SMAP2: variants seen among roughly 807,000 people sequenced by gnomAD.
SMAP2 encodes small ArfGAP2.
In SMAP2, 25 loss-of-function variants were observed where a neutral mutation model predicts 56.4. The observed-to-expected ratio is 0.44, with a 90% CI of 0.32 to 0.62. The LOEUF (loss-of-function observed/expected upper bound fraction) is 0.62. Ranked by LOEUF, SMAP2 falls within the 20% of genes least tolerant of loss-of-function variation. The pLI is 0.04. For missense variants in SMAP2, 388 were observed against 545.6 expected (o/e 0.71, Z 2.88); for synonymous variants, 157 against 181.7 (o/e 0.86, Z 1.09).
rs1309926578 is a variant in SMAP2, at chr1:40,374,021, C to T, written c.-100C>T. On this transcript the variant is annotated 5_prime_UTR_variant, in exon 1 of 10. Transcript: ENST00000372718. The surrounding 1 kb of genome is among the most constrained non-coding windows in gnomAD (Gnocchi z 5.9). ...AGGGCTCTCCCCGCTCAGGAGGTGC[C>T]CCTGGGCGGGGGACCGGGAGTCCTC... 6.8e-6 allele frequency: 6 copies of T among 884,514 alleles called. No individual in the cohort carries two copies. Among genetic ancestry groups the T allele is most frequent in the Admixed American group, 4.4e-5 (2 of 45,274 alleles). The allele number at this position is 884,514 out of a possible 1,614,324, so 54.8% of individuals were successfully genotyped here. A position where few individuals can be genotyped will look rare whatever the true frequency, so the allele number is the denominator to read the frequency against.
intron 1 of SMAP2, among the ~76,000 whole-genome samples, chr1:40,353,235 A>G (rs1644417742): frequency 6.6e-6 from 1 of 152,226 alleles, no homozygotes; most frequent in Non-Finnish European, 1.5e-5. Context: ...GATTGGGGAC[A>G]TTCCTTTTCT....
Position 40,405,582 on chromosome 1 carries a change from C to T in SMAP2, c.104-1154C>T, listed in dbSNP as rs536517411. ...GTCTTGTGCTCGTTGTCGTTCCAAG[C>T]GTAGGCCCTGTTTATCTCTGTAGAA... On this transcript the variant is annotated intron_variant, in intron 1 of 9. Transcript: ENST00000372718. 1.8e-3 allele frequency among the ~76,000 whole-genome samples: 271 copies of T among 152,296 alleles called. 2 individuals are homozygous for T. Among genetic ancestry groups the T allele is most frequent in the South Asian group, 0.014 (69 of 4,828 alleles).
At chr1:40,414,742 T>C (rs750742194) in intron 6 of SMAP2, among the ~76,000 whole-genome samples, 1 of 152,214 alleles carries the variant, frequency 6.6e-6, no homozygotes, top group Non-Finnish European at 1.5e-5. Flanking sequence ...TTCCTTTCAT[T>C]TTTCAGATGC....
At chr1:40,404,305 G>A (rs1644864598) in intron 1 of SMAP2, among the ~76,000 whole-genome samples, 2 of 152,128 alleles carry the variant, frequency 1.3e-5, no homozygotes, top group Admixed American at 1.3e-4. Context: ...CTGGGAAAAG[G>A]TTTCACAAGG....
In SMAP2 at chr1:40,357,865, C is replaced by T. The variant is rs868258352; in HGVS notation, c.-82-4435C>T. Among the ~76,000 whole-genome samples, 19 of 152,150 alleles carry T rather than the reference C, an allele frequency of 1.2e-4. No individual in the cohort carries two copies. In the South Asian group the frequency reaches 3.9e-3, roughly 32 times the overall value. ...AATTTAAAGTCAGGTAATGTGATTA[C>T]TCCAGCTTTGTTCTTTTTGCTCAGG... On this transcript the variant is annotated intron_variant, in intron 1 of 6. Coordinates refer to the SMAP2 transcript ENST00000435168.
At chr1:40,419,061 T>A (rs1010691603) in intron 9 of SMAP2, among the ~76,000 whole-genome samples, 2 of 151,936 alleles carry the variant, frequency 1.3e-5, no homozygotes, top group African/African-American at 2.4e-5. Context: ...GACAAACAAA[T>A]ACAACTGAAA....
intron 1 of SMAP2, among the ~76,000 whole-genome samples, chr1:40,348,841 G>A (rs561348514): frequency 1.3e-5 from 2 of 151,228 alleles, no homozygotes; most frequent in Non-Finnish European, 1.5e-5. Context: ...TGCAATCTCT[G>A]CTCACTGCAA....
In SMAP2 at chr1:40,415,253, C is replaced by T. The variant is rs1471311092; in HGVS notation, c.572-19C>T. 1.9e-6 allele frequency: 3 copies of T among 1,585,562 alleles called. No individual in the cohort carries two copies. The highest frequency in any genetic ancestry group is 2.6e-6 in the Non-Finnish European group (3 of 1,154,068). On this transcript the variant is annotated intron_variant, in intron 6 of 9. Transcript: ENST00000372718. ...CTTAATAAGCAGTGCTGCATCTTAA[C>T]TTCGATCTCTCTTTCTAGATGCTCC... is the stretch of plus-strand genomic sequence containing the variant.
chr1:40,409,864 C>T, intron 4 of SMAP2, 29 bp downstream of exon 4: 1 of 1,401,886 alleles, frequency 7.1e-7, no homozygotes, highest in Non-Finnish European at 1.0e-6. Flanking sequence ...AAGTTTTGTC[C>T]ACAATAAGTA....
intron 1 of SMAP2, among the ~76,000 whole-genome samples, chr1:40,378,869 G>T (rs1480421914): frequency 6.6e-6 from 1 of 152,046 alleles, no homozygotes; most frequent in Non-Finnish European, 1.5e-5. Flanking sequence ...AATCCAAAAG[G>T]TCCAAAGGGG....
Position 40,413,008 on chromosome 1 carries a change from C to A in SMAP2, c.403-8C>A. The A allele has an allele frequency of 1.2e-6, 2 of 1,601,090 alleles. No individual in the cohort carries two copies. Among genetic ancestry groups the A allele is most frequent in the South Asian group, 2.2e-5 (2 of 89,750 alleles). On this transcript the variant is annotated splice_polypyrimidine_tract_variant and splice_region_variant and intron_variant, in intron 4 of 9. Coordinates refer to ENST00000372718, the MANE Select transcript of SMAP2 (RefSeq NM_022733.3). ...CCCTGTGTTCTTTGTCTTGTTAAAT[C>A]ATTATAGAAAGAAAAAGATGACAAG...
At chr1:40,415,533 C>T (rs1429109022) in intron 7 of SMAP2, 152 bp downstream of exon 7, 1 of 670,548 alleles carries the variant, frequency 1.5e-6, no homozygotes, top group East Asian at 2.5e-5. Flanking sequence ...TCATTTCTGT[C>T]ACAGTCTAAG....
intron 1 of SMAP2, among the ~76,000 whole-genome samples, chr1:40,392,577 A>G (rs762933827): frequency 6.6e-6 from 1 of 152,110 alleles, no homozygotes; most frequent in Non-Finnish European, 1.5e-5. Context: ...TGTCTCATCC[A>G]CCACTCTTCC....
intron 1 of SMAP2, among the ~76,000 whole-genome samples, chr1:40,354,308 T>A (rs1249415062): frequency 1.3e-5 from 2 of 152,128 alleles, no homozygotes; most frequent in Admixed American, 6.6e-5. Context: ...TGGGTGTTGA[T>A]AATAGTAAGA....
intron 1 of SMAP2, among the ~76,000 whole-genome samples, chr1:40,402,494 G>A (rs1360317272): frequency 6.6e-6 from 1 of 151,768 alleles, no homozygotes. Context: ...CTGTCATCTA[G>A]GCTGGAGTGC....
chr1:40,416,496 T>G, intron 8 of SMAP2, 155 bp downstream of exon 8: 1 of 836,466 alleles, frequency 1.2e-6, no homozygotes, highest in Non-Finnish European at 1.8e-6. Context: ...CAGATGGAAA[T>G]TAATGTAACT....
intron 1 of SMAP2, among the ~76,000 whole-genome samples, chr1:40,390,025 T>C (rs1280239400): frequency 6.6e-6 from 1 of 151,254 alleles, no homozygotes; most frequent in Non-Finnish European, 1.5e-5. Context: ...CCTTATGCCA[T>C]ATATTTTGAC....
chr1:40,405,444 G>A (rs780379908), intron 1 of SMAP2, among the ~76,000 whole-genome samples: 5 of 152,184 alleles, frequency 3.3e-5, no homozygotes, highest in Non-Finnish European at 5.9e-5. Flanking sequence ...AGCTATGATC[G>A]TGCCACAGCA....
In SMAP2 at chr1:40,415,391, G is replaced by A. The variant is rs200445532; in HGVS notation, c.681+10G>A. 1.4e-4 allele frequency: 211 copies of A among 1,532,752 alleles called. No individual in the cohort carries two copies. The highest frequency in any genetic ancestry group is 1.8e-4 in the Non-Finnish European group (197 of 1,106,168). 94.9% of individuals were successfully genotyped at this position (1,532,752 alleles called of 1,614,324 possible). On this transcript the variant is annotated intron_variant, in intron 7 of 9. Coordinates refer to ENST00000372718, the MANE Select transcript of SMAP2 (RefSeq NM_022733.3). ...TTCCGGTTCCAGAAAGGTGAGTCTTGTGGGCTCCTCAGGATTAAAGAACAT... is the reference window on the plus strand; with the variant it reads ...TTCCGGTTCCAGAAAGGTGAGTCTTATGGGCTCCTCAGGATTAAAGAACAT...
Sources: gnomAD v4.1 joint callset for allele counts (sites outside exome capture counted in the v4.1 genomes callset) on GRCh38, gnomAD v4.1.1 for gene constraint, Gnocchi (gnomAD v3.1) non-coding constraint, MANE v1.5 for transcripts, NCBI Gene and HGNC (gene_info 2026-07-23, HGNC 2026-07-21) for gene names.